KLHL35: variants seen among roughly 807,000 people sequenced by gnomAD.
KLHL35 encodes kelch like family member 35.
A neutral mutation model predicts 44.0 loss-of-function variants in KLHL35; 50 were observed. The ratio of observed to expected loss-of-function variants is 1.14; its 90% confidence interval spans 0.91 to 1.44. The LOEUF (loss-of-function observed/expected upper bound fraction) is 1.44, where lower values mean the gene tolerates loss of function less well. KLHL35 is among the 40% of genes most tolerant of loss of function. The pLI, the probability that KLHL35 is intolerant of heterozygous loss-of-function variation, is 0.00. For missense variants in KLHL35, 1,049 were observed against 887.8 expected (o/e 1.18, Z -2.31); for synonymous variants, 470 against 410.4 (o/e 1.15, Z -1.76).
chr11:75,423,644 G>C (rs1948468016), intron 6 of KLHL35, 48 bp downstream of exon 6: 5 of 1,516,382 alleles, frequency 3.3e-6, no homozygotes, highest in Non-Finnish European at 4.5e-6. Context: ...CCAAGATCCA[G>C]AGCCTTAGAA....
rs1406703604 is a variant in KLHL35, at chr11:75,430,596, G to A, written c.34C>T (p.Pro12Ser). ...CCCGCGCACGGCGCTTCGCAGCCCGGCTCCGACTCCTCCGGCGCATGGCCT... is the reference window on the plus strand; with the variant it reads ...CCCGCGCACGGCGCTTCGCAGCCCGACTCCGACTCCTCCGGCGCATGGCCT... ...RQGHAPEESE[P>S]GCEAPCAGPC... The change falls in exon 2 of 7, where the codon CCG (proline) becomes TCG (serine). Residue 12 changes from proline to serine, a missense_variant. Pro to Ser is a moderately conservative substitution (Grantham distance 74). Transcript: ENST00000539798. The A allele has an allele frequency of 7.0e-7, 1 of 1,420,978 alleles. No individual in the cohort carries two copies. Among genetic ancestry groups the A allele is most frequent in the Non-Finnish European group, 9.2e-7 (1 of 1,089,734 alleles). 88.0% of individuals were successfully genotyped at this position (1,420,978 alleles called of 1,614,324 possible).
rs764939964 is a variant in KLHL35 at position 75,430,583 on chromosome 11, G to GC, written c.46dup (p.Ala16GlyfsTer182). 3.0e-3 allele frequency: 4,362 copies of GC among 1,444,330 alleles called. 20 individuals carry two copies. The highest frequency in any genetic ancestry group is 3.2e-3 in the Non-Finnish European group (3,508 of 1,103,876). 89.5% of individuals were successfully genotyped at this position (1,444,330 alleles called of 1,614,324 possible). A position where few individuals can be genotyped will look rare whatever the true frequency, so the allele number is the denominator to read the frequency against. ...CGCGTGGCACGGACCCGCGCACGGC[G>GC]CTTCGCAGCCCGGCTCCGACTCCTC... On this transcript the variant is annotated frameshift_variant, in exon 2 of 7. Transcript: ENST00000539798. LOFTEE classifies it high-confidence loss of function.
At chr11:75,423,965 C>CGGGGGCACTCATTCAAAACGACATTT (rs1565170623) in intron 5 of KLHL35, 85 bp from the exon 6 acceptor site, 1 of 1,080,742 alleles carries the variant, frequency 9.3e-7, no homozygotes, top group African/African-American at 1.6e-5. Flanking sequence ...CCTCTCCCCC[C>CGGGGGCACTCATTCAAAACGACATTT]GGGGGCACTC....
intron 2 of KLHL35, 114 bp downstream of exon 2, chr11:75,429,635 A>G: frequency 1.6e-6 from 2 of 1,282,158 alleles, no homozygotes; most frequent in Non-Finnish European, 2.0e-6. Context: ...AAAATGTTGA[A>G]CGAATGACTG....
chr11:75,430,787 C>T (rs1948532024), intron 1 of KLHL35, among the ~76,000 whole-genome samples, 157 bp from the exon 2 acceptor site: 1 of 152,236 alleles, frequency 6.6e-6, no homozygotes, highest in African/African-American at 2.4e-5. Context: ...AGTGCCCCAG[C>T]CCCGCCTCAC....
chr11:75,423,971 C>T, intron 5 of KLHL35, 91 bp from the exon 6 acceptor site: 3 of 1,046,888 alleles, frequency 2.9e-6, no homozygotes, highest in Non-Finnish European at 4.1e-6. Context: ...CCCCCGGGGG[C>T]ACTCATTCAA....
chr11:75,430,990 G>A (rs1019900619), intron 1 of KLHL35, among the ~76,000 whole-genome samples: 8 of 152,212 alleles, frequency 5.3e-5, no homozygotes, highest in Non-Finnish European at 1.0e-4. Flanking sequence ...AGTAGGAGTA[G>A]GGCTGTGTCC....
intron 1 of KLHL35, 119 bp from the exon 2 acceptor site, chr11:75,430,749 G>A: frequency 3.3e-6 from 3 of 896,850 alleles, no homozygotes; most frequent in Non-Finnish European, 4.4e-6. Context: ...TCTCCCCTCC[G>A]TTCAGCATCC....
In KLHL35 at chr11:75,430,567, C is replaced by A. The variant is rs2135085669; in HGVS notation, c.63G>T (p.Pro21=). 2 of 1,452,182 alleles carry A rather than the reference C, an allele frequency of 1.4e-6. No homozygotes were observed. The highest frequency in any genetic ancestry group is 2.7e-5 in the South Asian group (2 of 75,084). The allele number at this position is 1,452,182 out of a possible 1,614,324, so 90.0% of individuals were successfully genotyped here. A position where few individuals can be genotyped will look rare whatever the true frequency, so the allele number is the denominator to read the frequency against. The change falls in exon 2 of 7, where the codon CCG becomes CCT. Residue 21 remains proline, a synonymous_variant. Transcript: ENST00000539798. ...CCTGCAGCACGCGCTGCGCGTGGCA[C>A]GGACCCGCGCACGGCGCTTCGCAGC... ...EPGCEAPCAG[P]CHAQRVLQAL...
At chr11:75,426,868 G>A in intron 3 of KLHL35, 1 of 412,134 alleles carries the variant, frequency 2.4e-6, no homozygotes, top group Non-Finnish European at 4.5e-6. Context: ...CATTCAGGAA[G>A]AAGGGGCTGG....
intron 2 of KLHL35, 85 bp from the exon 3 acceptor site, chr11:75,428,711 G>T: frequency 8.1e-7 from 1 of 1,228,188 alleles, no homozygotes; most frequent in Non-Finnish European, 1.1e-6. Context: ...GCACGGTCCC[G>T]CTGCCCTTTC....
At position 75,429,826 on chromosome 11, in the gene KLHL35, G is replaced by A. The variant is rs1313189592; in HGVS notation, c.804C>T (p.Cys268=). The A allele has an allele frequency of 3.3e-6, 5 of 1,511,812 alleles. No homozygotes were observed. The African/African-American group carries it at 5.7e-5, about 17-fold the overall frequency. 93.6% of individuals were successfully genotyped at this position (1,511,812 alleles called of 1,614,324 possible). The change falls in exon 2 of 7, where the codon TGC becomes TGT. Residue 268 remains cysteine, a synonymous_variant. Coordinates refer to ENST00000539798, the MANE Select transcript of KLHL35 (RefSeq NM_001039548.3). ...CGCGAGCCTCGAGCAGCAGCGGGCG[G>A]CACTCGCCGCAGGCCTGCAGCAGCT... ...ADELLQACGE[C]RPLLLEARAC...
In KLHL35 at chr11:75,430,580, G is replaced by A; in HGVS notation, c.50C>T (p.Pro17Leu). 1.4e-6 allele frequency: 2 copies of A among 1,445,526 alleles called. No homozygotes were observed. The highest frequency in any genetic ancestry group is 9.1e-7 in the Non-Finnish European group (1 of 1,104,586). The allele number at this position is 1,445,526 out of a possible 1,614,324, so 89.5% of individuals were successfully genotyped here. A position where few individuals can be genotyped will look rare whatever the true frequency, so the allele number is the denominator to read the frequency against. ...PEESEPGCEA[P>L]CAGPCHAQRV... ...CTGCGCGTGGCACGGACCCGCGCAC[G>A]GCGCTTCGCAGCCCGGCTCCGACTC... Residue 17 changes from proline to leucine, a missense_variant, in exon 2 of 7, where the codon CCG becomes CTG. Coordinates refer to ENST00000539798, the MANE Select transcript of KLHL35 (RefSeq NM_001039548.3).
At position 75,428,501 on chromosome 11, in the gene KLHL35, G is replaced by C. The variant is rs781033865; in HGVS notation, c.1007C>G (p.Pro336Arg). 5 of 1,612,324 alleles carry C rather than the reference G, an allele frequency of 3.1e-6. No homozygotes were observed. In the East Asian group the frequency reaches 1.1e-4, roughly 36 times the overall value. ...GGCGAATTCTGAGCGAGTGTAGCCG[G>C]GCAGGCTGGGCAGTGGGGTCCACCG... ...SQRWTPLPSL[P>R]GYTRSEFAAC... Residue 336 changes from proline (P) to arginine (R), a missense_variant, in exon 3 of 7, where the codon CCC becomes CGC. By Grantham distance (103) the Pro-to-Arg change is moderately radical (BLOSUM62 -2). Coordinates refer to ENST00000539798, the MANE Select transcript of KLHL35 (RefSeq NM_001039548.3).
intron 6 of KLHL35, 59 bp from the exon 7 acceptor site, chr11:75,422,827 G>T: frequency 6.7e-7 from 1 of 1,486,230 alleles, no homozygotes; most frequent in Non-Finnish European, 9.3e-7. Context: ...CTCTGTCCCT[G>T]CCTGGCCAGG....
At chr11:75,423,347 C>T in intron 6 of KLHL35, 1 of 258,084 alleles carries the variant, frequency 3.9e-6, no homozygotes, top group East Asian at 8.4e-5. Flanking sequence ...TAGCAACTCC[C>T]TTCCCCACAT....
chr11:75,425,765 C>T (rs1035079715), intron 4 of KLHL35, 184 bp from the exon 5 acceptor site: 2 of 466,532 alleles, frequency 4.3e-6, no homozygotes, highest in Non-Finnish European at 7.4e-6. Flanking sequence ...AGTTGCTGTA[C>T]CTCCCTGAGC....
rs765371822 is a variant in KLHL35 at position 75,423,768 on chromosome 11, C to T, written c.1487G>A (p.Gly496Asp). ...SLEDTIYVMGGLMSKIFTYDP... is the reference protein window; with the variant it reads ...SLEDTIYVMGDLMSKIFTYDP... ...ATAGGTGAAGATTTTGCTCATGAGACCCCCCATGACATAGATGGTGTCCTC... is the reference window on the plus strand; with the variant it reads ...ATAGGTGAAGATTTTGCTCATGAGATCCCCCATGACATAGATGGTGTCCTC... Residue 496 changes from glycine to aspartate, a missense_variant, in exon 6 of 7, where the codon GGT (glycine) becomes GAT (aspartate). Gly to Asp is a moderately conservative substitution (Grantham distance 94, BLOSUM62 -1). Transcript: ENST00000539798. 1.2e-6 allele frequency: 2 copies of T among 1,613,414 alleles called. No individual in the cohort carries two copies. Among genetic ancestry groups the T allele is most frequent in the Admixed American group, 1.7e-5 (1 of 60,004 alleles).
chr11:75,425,595 C>A lies in KLHL35; in HGVS notation c.1186-14G>T, dbSNP rs1385821968. ...CACCGCGAACAGCTGCAAGTGAGGA[C>A]ATGGGCCGGGGAGCCGGGTGCCAGG... is the stretch of plus-strand genomic sequence containing the variant. On this transcript the variant is annotated splice_polypyrimidine_tract_variant and intron_variant, in intron 4 of 6. Coordinates refer to ENST00000539798, the MANE Select transcript of KLHL35 (RefSeq NM_001039548.3). 6.8e-7 allele frequency: 1 copy of A among 1,462,084 alleles called. No individual in the cohort carries two copies. Among genetic ancestry groups the A allele is most frequent in the Non-Finnish European group, 9.0e-7 (1 of 1,113,386 alleles). 90.6% of individuals were successfully genotyped at this position (1,462,084 alleles called of 1,614,324 possible). A position where few individuals can be genotyped will look rare whatever the true frequency, so the allele number is the denominator to read the frequency against.
Sources: gnomAD v4.1 joint callset for allele counts (sites outside exome capture counted in the v4.1 genomes callset) on GRCh38, gnomAD v4.1.1 for gene constraint, MANE v1.5 for transcripts, NCBI Gene and HGNC (gene_info 2026-07-23, HGNC 2026-07-21) for gene names.